The following NCALD variants were observed in gnomAD, a reference collection of about 807,000 sequenced individuals.
NCALD encodes the protein neurocalcin-delta.
A neutral mutation model predicts 18.6 loss-of-function variants in NCALD; 10 were observed. The observed-to-expected ratio is 0.54, with a 90% CI of 0.33 to 0.91. The LOEUF (loss-of-function observed/expected upper bound fraction) is 0.91, where lower values mean the gene tolerates loss of function less well. Among genes scored for constraint, NCALD ranks in the 40% least tolerant of loss-of-function variants. The pLI is 0.03. For missense variants in NCALD, 184 were observed against 247.6 expected, an observed-to-expected ratio of 0.74 and a Z score of 1.72; for synonymous variants, 88 against 87.4, an observed-to-expected ratio of 1.01 and a Z score of -0.04.
chr8:101,900,391 T>C (rs967881319), intron 3 of NCALD, among the ~76,000 whole-genome samples: 2 of 151,864 alleles, frequency 1.3e-5, no homozygotes, highest in Admixed American at 6.6e-5. Context: ...TTGGGTATAT[T>C]TGGCTCTTTT....
At chr8:101,704,106 T>C (rs1371392776) in intron 2 of NCALD, among the ~76,000 whole-genome samples, 3 of 152,146 alleles carry the variant, frequency 2.0e-5, no homozygotes, top group African/African-American at 4.8e-5. Flanking sequence ...TGTCAGCTAA[T>C]GAATCTGAAA....
intron 3 of NCALD, among the ~76,000 whole-genome samples, chr8:101,907,893 A>T (rs113028811): frequency 6.6e-6 from 1 of 152,224 alleles, no homozygotes; most frequent in Non-Finnish European, 1.5e-5. Context: ...TCATAAGTTC[A>T]TAATAGCTAC....
At chr8:101,832,913 C>A (rs1814247006) in intron 4 of NCALD, among the ~76,000 whole-genome samples, 1 of 152,176 alleles carries the variant, frequency 6.6e-6, no homozygotes, top group Non-Finnish European at 1.5e-5. Flanking sequence ...GCAAGTCTTT[C>A]CCAGTTATTT....
At chr8:101,895,627 C>A (rs1817132730) in intron 3 of NCALD, among the ~76,000 whole-genome samples, 1 of 147,834 alleles carries the variant, frequency 6.8e-6, no homozygotes, top group African/African-American at 2.6e-5. Context: ...ACTGTCTCAG[C>A]CCAAAATCTC....
chr8:102,011,875 C>T (rs1179079414), intron 2 of NCALD, among the ~76,000 whole-genome samples: 1 of 152,176 alleles, frequency 6.6e-6, no homozygotes, highest in African/African-American at 2.4e-5. Context: ...TGAGAAACCA[C>T]ATTTAAAGTT....
intron 4 of NCALD, among the ~76,000 whole-genome samples, chr8:101,837,388 A>G (rs1387360750): frequency 6.6e-6 from 1 of 152,244 alleles, no homozygotes; most frequent in Non-Finnish European, 1.5e-5. Context: ...CCACATAGGC[A>G]TAAATCAAAC....
At chr8:102,038,867 G>C (rs1477218780) in intron 1 of NCALD, among the ~76,000 whole-genome samples, 1 of 152,100 alleles carries the variant, frequency 6.6e-6, no homozygotes, top group Non-Finnish European at 1.5e-5. Flanking sequence ...TGATGTGCTA[G>C]TCACTCCATA....
chr8:101,742,973 T>C (rs1286702423), intron 1 of NCALD, among the ~76,000 whole-genome samples: 1 of 152,168 alleles, frequency 6.6e-6, no homozygotes, highest in Non-Finnish European at 1.5e-5. Context: ...GGCTTCCAGC[T>C]CCATCCACGT....
At chr8:101,764,982 G>T (rs1159229342) in intron 1 of NCALD, among the ~76,000 whole-genome samples, 4 of 152,158 alleles carry the variant, frequency 2.6e-5, no homozygotes, top group African/African-American at 9.7e-5. Context: ...GCCTCCTGCG[G>T]CAAGATCAGG....
chr8:101,817,911 C>T (rs894457587), intron 4 of NCALD, among the ~76,000 whole-genome samples: 1 of 152,098 alleles, frequency 6.6e-6, no homozygotes, highest in Non-Finnish European at 1.5e-5. Flanking sequence ...GCAGTTTCTC[C>T]CAAAACAGCT....
intron 1 of NCALD, among the ~76,000 whole-genome samples, chr8:102,108,033 G>A (rs957916312): frequency 1.3e-5 from 2 of 152,028 alleles, no homozygotes; most frequent in Non-Finnish European, 2.9e-5. Context: ...CCACTTGGCC[G>A]CCAGCAGAGA....
chr8:101,700,205 C>T (rs1815194569), intron 2 of NCALD, among the ~76,000 whole-genome samples: 1 of 152,012 alleles, frequency 6.6e-6, no homozygotes, highest in Non-Finnish European at 1.5e-5. Context: ...GGACCAAAGG[C>T]ATGCACCACC....
intron 4 of NCALD, among the ~76,000 whole-genome samples, chr8:101,854,243 ACCAGCTGCTGC>A (rs1158273498): frequency 6.6e-6 from 1 of 152,114 alleles, no homozygotes; most frequent in African/African-American, 2.4e-5. Context: ...TGAAGTGTGC[ACCAGCTGCTGC>A]CCTGGACATG....
At chr8:101,815,492 A>G (rs1813460848) in intron 4 of NCALD, among the ~76,000 whole-genome samples, 1 of 152,186 alleles carries the variant, frequency 6.6e-6, no homozygotes, top group African/African-American at 2.4e-5. Flanking sequence ...TGTGGCCCAA[A>G]GACTTTAACA....
intron 4 of NCALD, among the ~76,000 whole-genome samples, chr8:101,881,817 T>G (rs2131462784): frequency 6.6e-6 from 1 of 152,344 alleles, no homozygotes; most frequent in African/African-American, 2.4e-5. Flanking sequence ...AATTCTGGTT[T>G]CATAATATCA....
chr8:101,990,465 C>A (rs1219772922), intron 2 of NCALD, among the ~76,000 whole-genome samples: 1 of 152,214 alleles, frequency 6.6e-6, no homozygotes, highest in Non-Finnish European at 1.5e-5. Flanking sequence ...CAAATCTCAT[C>A]TTGAATTGTA....
intron 2 of NCALD, among the ~76,000 whole-genome samples, chr8:101,918,393 T>TA (rs1457083327): frequency 6.6e-6 from 1 of 151,970 alleles, no homozygotes; most frequent in Non-Finnish European, 1.5e-5. Flanking sequence ...GGGCAAAAAC[T>TA]AAAAGCCTTA....
intron 1 of NCALD, among the ~76,000 whole-genome samples, chr8:101,772,724 T>C (rs1431433673): frequency 6.6e-6 from 1 of 152,222 alleles, no homozygotes; most frequent in Non-Finnish European, 1.5e-5. Context: ...ATGGGTCCCA[T>C]GGCTCTACTC....
intron 2 of NCALD, among the ~76,000 whole-genome samples, chr8:101,989,148 G>T (rs1386466743): frequency 6.6e-6 from 1 of 152,140 alleles, no homozygotes; most frequent in Non-Finnish European, 1.5e-5. Context: ...CTTTTGTGTG[G>T]GCTGTGTGGC....
Sources: allele counts gnomAD v4.1 joint callset (sites outside exome capture counted in the v4.1 genomes callset), GRCh38; gene constraint gnomAD v4.1.1; transcripts MANE v1.5; gene names NCBI Gene and HGNC (gene_info 2026-07-23, HGNC 2026-07-21).